The following DPY19L3 variants were observed in gnomAD, a reference collection of about 807,000 sequenced individuals.
The protein encoded by DPY19L3 is dpy-19 like C-mannosyltransferase 3, also known as protein C-mannosyl-transferase DPY19L3.
Under a neutral mutation model 92.3 loss-of-function variants are expected in DPY19L3, and 51 were observed. That is an observed-to-expected ratio of 0.55 (90% CI 0.44 to 0.70). The LOEUF is 0.70. Among genes scored for constraint, DPY19L3 ranks in the 30% least tolerant of loss-of-function variants. DPY19L3 has a pLI of 0.00. For synonymous variants in DPY19L3, 309 were observed against 315.2 expected, an observed-to-expected ratio of 0.98 and a Z score of 0.21; for missense variants, 706 against 855.9, an observed-to-expected ratio of 0.82 and a Z score of 2.18.
chr19:32,414,319 G>A (rs1387837858), intron 3 of DPY19L3, among the ~76,000 whole-genome samples: 3 of 152,052 alleles, frequency 2.0e-5, no homozygotes, highest in South Asian at 4.1e-4. Context: ...TACTCGGGAG[G>A]CTGAGGCAAG....
chr19:32,458,204 A>G, intron 11 of DPY19L3, 31 bp downstream of exon 11: 1 of 1,601,344 alleles, frequency 6.2e-7, no homozygotes, highest in Non-Finnish European at 8.5e-7. Flanking sequence ...TATGTTTGCT[A>G]TTTTCTATTG....
chr19:32,416,762 A>C (rs1323580073), intron 3 of DPY19L3, among the ~76,000 whole-genome samples: 1 of 152,188 alleles, frequency 6.6e-6, no homozygotes, highest in Non-Finnish European at 1.5e-5. Context: ...GAGCCAACCA[A>C]AGAAGCTCTT....
At chr19:32,458,310 T>G (rs1969930954) in intron 11 of DPY19L3, 41 bp from the exon 12 acceptor site, 5 of 1,599,510 alleles carry the variant, frequency 3.1e-6, no homozygotes, top group Admixed American at 1.7e-5. Flanking sequence ...TTTCTTTGTC[T>G]TATATTGAAT....
Position 32,480,379 on chromosome 19 carries a change from A to AT in DPY19L3, c.1831-15dup. 6.3e-7 allele frequency: 1 copy of AT among 1,598,712 alleles called. No individual in the cohort carries two copies. The highest frequency in any genetic ancestry group is 8.5e-7 in the Non-Finnish European group (1 of 1,173,112). ...AGTCAAGTAGCATTTGCCACATTGC[A>AT]TTTTTATGTCTTTTTGAAGGTTTAT... On this transcript the variant is annotated intron_variant, in intron 17 of 18. Coordinates refer to ENST00000392250, the MANE Select transcript of DPY19L3 (RefSeq NM_001172774.2).
At chr19:32,456,435 T>C (rs181308770) in intron 10 of DPY19L3, among the ~76,000 whole-genome samples, 18 of 151,978 alleles carry the variant, frequency 1.2e-4, no homozygotes, top group African/African-American at 3.9e-4. Context: ...ATTTCTAAAT[T>C]TTTTTTGCTT....
At chr19:32,414,689 ATC>A (rs890675514) in intron 3 of DPY19L3, among the ~76,000 whole-genome samples, 1 of 152,220 alleles carries the variant, frequency 6.6e-6, no homozygotes, top group African/African-American at 2.4e-5. Context: ...AGGCTGAAAT[ATC>A]TCTGTGTGAG....
At chr19:32,476,063 A>G (rs1970499686) in intron 16 of DPY19L3, among the ~76,000 whole-genome samples, 1 of 152,232 alleles carries the variant, frequency 6.6e-6, no homozygotes, top group Admixed American at 6.5e-5. Context: ...TTTCAAAAGT[A>G]AACTATTTGT....
In DPY19L3 at chr19:32,463,930, G is replaced by A; in HGVS notation, c.1507G>A (p.Glu503Lys). Residue 503 changes from glutamate (E) to lysine (K), a missense_variant, in exon 14 of 19, where the codon GAA becomes AAA. Physicochemically the swap from Glu to Lys is moderately conservative, Grantham distance 56. Transcript: ENST00000392250. The part of the protein sequence containing the change: ...VFASFGLCSP[E>K]IWELLLKSVH... ...CGCATCATTCGGCCTATGTAGCCCT[G>A]AAATATGGGAGTTACTTCTGAAGTC... 6.2e-7 allele frequency: 1 copy of A among 1,613,358 alleles called. No homozygotes were observed. Among genetic ancestry groups the A allele is most frequent in the Non-Finnish European group, 8.5e-7 (1 of 1,179,498 alleles).
intron 10 of DPY19L3, among the ~76,000 whole-genome samples, chr19:32,455,887 T>G (rs189417427): frequency 3.8e-4 from 58 of 152,312 alleles, no homozygotes; most frequent in African/African-American, 1.3e-3. Context: ...ATCCCATTTG[T>G]TTTTATGCTA....
intron 15 of DPY19L3, chr19:32,467,664 G>T (rs1370315663): frequency 2.4e-5 from 24 of 987,496 alleles, no homozygotes; most frequent in Non-Finnish European, 2.9e-5. Flanking sequence ...TTAAATAAAA[G>T]TATTATATTT....
chr19:32,454,520 G>C (rs1969804709), intron 9 of DPY19L3, among the ~76,000 whole-genome samples: 1 of 152,164 alleles, frequency 6.6e-6, no homozygotes, highest in South Asian at 2.1e-4. Flanking sequence ...CTTGCAGTGA[G>C]CGGAGATTGC....
intron 16 of DPY19L3, among the ~76,000 whole-genome samples, chr19:32,477,255 A>G (rs1296264323): frequency 6.6e-6 from 1 of 152,088 alleles, no homozygotes; most frequent in Non-Finnish European, 1.5e-5. Context: ...AGTCAAAATC[A>G]TACAAAACAT....
At chr19:32,419,628 C>T (rs561965632) in intron 3 of DPY19L3, among the ~76,000 whole-genome samples, 24 of 151,844 alleles carry the variant, frequency 1.6e-4, no homozygotes, top group Non-Finnish European at 2.5e-4. Flanking sequence ...GAGACAGAGT[C>T]TCACTTTGTT....
chr19:32,438,653 A>T (rs1232370363), intron 6 of DPY19L3, among the ~76,000 whole-genome samples: 3 of 152,142 alleles, frequency 2.0e-5, no homozygotes, highest in African/African-American at 7.2e-5. Flanking sequence ...TTTTACCCAT[A>T]CTTGCCCTGT....
intron 3 of DPY19L3, among the ~76,000 whole-genome samples, chr19:32,416,100 T>C (rs770025388): frequency 6.6e-6 from 1 of 152,066 alleles, no homozygotes; most frequent in African/African-American, 2.4e-5. Context: ...TTATGAGTGA[T>C]GAGGAGAAGG....
intron 8 of DPY19L3, among the ~76,000 whole-genome samples, chr19:32,449,397 G>T (rs1301756642): frequency 6.6e-6 from 1 of 152,132 alleles, no homozygotes; most frequent in Non-Finnish European, 1.5e-5. Flanking sequence ...CCCAGGAGGA[G>T]TTTTTGCAGA....
At chr19:32,423,176 C>G (rs960463939) in intron 3 of DPY19L3, among the ~76,000 whole-genome samples, 2 of 152,048 alleles carry the variant, frequency 1.3e-5, no homozygotes, top group African/African-American at 4.8e-5. Context: ...AGTGATAGAA[C>G]AAAATGTGTA....
chr19:32,453,201 G>A lies in DPY19L3; in HGVS notation c.912G>A (p.Gln304=), dbSNP rs1969761279. 6.2e-7 allele frequency: 1 copy of A among 1,613,918 alleles called. No homozygotes were observed. The highest frequency in any genetic ancestry group is 8.5e-7 in the Non-Finnish European group (1 of 1,179,978). The change falls in exon 9 of 19, where the codon CAG becomes CAA. Residue 304 remains glutamine (Q), a synonymous_variant. Coordinates refer to ENST00000392250, the MANE Select transcript of DPY19L3 (RefSeq NM_001172774.2). ...GTTTACTCCTGGTCTGCATTCTTCA[G>A]TTTTTTAATTCCATGATTCTTGGAT... The part of the protein sequence containing the change: ...ITSLLLVCIL[Q]FFNSMILGSL...
At chr19:32,406,949 C>T (rs1967978046) in intron 1 of DPY19L3, among the ~76,000 whole-genome samples, 1 of 151,106 alleles carries the variant, frequency 6.6e-6, no homozygotes, top group African/African-American at 2.4e-5. Context: ...CTCTCTGTTC[C>T]AGATTCTCCA....
Sources: gnomAD v4.1 joint callset for allele counts (sites outside exome capture counted in the v4.1 genomes callset) on GRCh38, gnomAD v4.1.1 for gene constraint, MANE v1.5 for transcripts, NCBI Gene and HGNC (gene_info 2026-07-23, HGNC 2026-07-21) for gene names.